LRRTM3: variants seen among roughly 807,000 people sequenced by gnomAD.
LRRTM3 encodes leucine rich repeat transmembrane neuronal 3, also known as leucine-rich repeat transmembrane neuronal protein 3.
A neutral mutation model predicts 44.7 loss-of-function variants in LRRTM3; 24 were observed. That is an observed-to-expected ratio of 0.54 (90% CI 0.39 to 0.76). The LOEUF (loss-of-function observed/expected upper bound fraction) is 0.76. LRRTM3 is among the 30% of genes least tolerant of loss of function. The pLI is 0.00. For synonymous variants in LRRTM3, 277 were observed against 278.7 expected (o/e 0.99, Z 0.06); for missense variants, 587 against 702.2 (o/e 0.84, Z 1.85).
chr10:66,941,060 G>A (rs991819203), intron 2 of LRRTM3, among the ~76,000 whole-genome samples: 4 of 152,130 alleles, frequency 2.6e-5, no homozygotes, highest in Admixed American at 6.5e-5. Flanking sequence ...AGACGATGGG[G>A]GAAAGGCAGT....
chr10:66,951,786 G>A (rs953223297), intron 2 of LRRTM3, among the ~76,000 whole-genome samples: 5 of 152,108 alleles, frequency 3.3e-5, no homozygotes, highest in South Asian at 4.2e-4. Context: ...CACTGGGAAG[G>A]GATCTAGAGG....
At chr10:67,010,346 T>TTGTTTTAAAATA (rs1453072731) in intron 2 of LRRTM3, among the ~76,000 whole-genome samples, 2 of 152,310 alleles carry the variant, frequency 1.3e-5, no homozygotes, top group South Asian at 4.1e-4. Flanking sequence ...TGTTTTAAAA[T>TTGTTTTAAAATA]TGTTTTAAAA....
intron 2 of LRRTM3, among the ~76,000 whole-genome samples, chr10:67,054,393 T>C (rs1420580101): frequency 2.6e-5 from 4 of 152,162 alleles, no homozygotes; most frequent in Non-Finnish European, 4.4e-5. Flanking sequence ...AAGTGACCAA[T>C]GAGGACAGCA....
intron 2 of LRRTM3, among the ~76,000 whole-genome samples, chr10:67,008,940 A>G (rs1480126366): frequency 2.6e-5 from 4 of 152,108 alleles, no homozygotes; most frequent in African/African-American, 9.7e-5. Context: ...TTGAATTTAT[A>G]TTTAAAAGAT....
intron 2 of LRRTM3, among the ~76,000 whole-genome samples, chr10:67,029,718 C>A (rs1294444350): frequency 2.0e-5 from 3 of 152,170 alleles, no homozygotes; most frequent in African/African-American, 7.2e-5. Flanking sequence ...GATATTTTTA[C>A]AAATTAACTT....
intron 2 of LRRTM3, among the ~76,000 whole-genome samples, chr10:67,026,722 G>A (rs1351822035): frequency 1.3e-5 from 2 of 152,202 alleles, no homozygotes; most frequent in South Asian, 2.1e-4. Flanking sequence ...GTATATTAAC[G>A]TTCATTTAAA....
At chr10:67,083,776 T>G (rs1174071216) in intron 2 of LRRTM3, among the ~76,000 whole-genome samples, 2 of 152,166 alleles carry the variant, frequency 1.3e-5, no homozygotes, top group Non-Finnish European at 2.9e-5. Context: ...AATACATTAG[T>G]TCTCCCCATA....
chr10:66,983,506 T>TG (rs2132892916), intron 2 of LRRTM3, among the ~76,000 whole-genome samples: 1 of 150,288 alleles, frequency 6.7e-6, no homozygotes, highest in South Asian at 2.1e-4. Context: ...TTTGTGATTG[T>TG]GGTTCTTAAT....
chr10:66,944,587 T>C (rs1161620853), intron 2 of LRRTM3, among the ~76,000 whole-genome samples: 1 of 152,190 alleles, frequency 6.6e-6, no homozygotes. Context: ...AGGTTTTCAA[T>C]TTACTTTGCC....
chr10:66,960,281 C>A (rs532949366), intron 2 of LRRTM3, among the ~76,000 whole-genome samples: 2 of 152,222 alleles, frequency 1.3e-5, no homozygotes, highest in South Asian at 4.1e-4. Context: ...TCACAAATCT[C>A]CTACAAAAAT....
At chr10:66,980,187 T>C (rs1450994785) in intron 2 of LRRTM3, among the ~76,000 whole-genome samples, 1 of 152,200 alleles carries the variant, frequency 6.6e-6, no homozygotes, top group Non-Finnish European at 1.5e-5. Flanking sequence ...GTGCTTTAAC[T>C]GACCTACGGC....
chr10:67,008,032 A>G (rs938184852), intron 2 of LRRTM3, among the ~76,000 whole-genome samples: 1 of 152,050 alleles, frequency 6.6e-6, no homozygotes, highest in African/African-American at 2.4e-5. Flanking sequence ...TAAGAACTTT[A>G]AATGAAATTA....
intron 2 of LRRTM3, among the ~76,000 whole-genome samples, chr10:67,017,335 C>A (rs542975979): frequency 1.3e-5 from 2 of 152,290 alleles, no homozygotes; most frequent in African/African-American, 4.8e-5. Context: ...CAAGAACACA[C>A]TGACATAGAG....
chr10:67,076,975 G>A (rs1018912551), intron 2 of LRRTM3, among the ~76,000 whole-genome samples: 5 of 152,062 alleles, frequency 3.3e-5, no homozygotes, highest in African/African-American at 9.7e-5. Flanking sequence ...CACACTCACC[G>A]CCAAAGCAAC....
At chr10:66,970,068 T>G (rs944771265) in intron 2 of LRRTM3, among the ~76,000 whole-genome samples, 4 of 152,078 alleles carry the variant, frequency 2.6e-5, no homozygotes, top group Non-Finnish European at 5.9e-5. Context: ...GGCACCTATC[T>G]CAACAACTGC....
At chr10:66,986,975 C>G (rs1476527514) in intron 2 of LRRTM3, among the ~76,000 whole-genome samples, 3 of 152,070 alleles carry the variant, frequency 2.0e-5, no homozygotes, top group African/African-American at 7.2e-5. Flanking sequence ...ATGGGCCTCA[C>G]TAATAAGCTG....
At chr10:66,967,086 T>C (rs10997458) in intron 2 of LRRTM3, among the ~76,000 whole-genome samples, 35,227 of 151,962 alleles carry the variant, frequency 0.23, 4,660 homozygotes, top group Non-Finnish European at 0.31. Flanking sequence ...AGGTGATTAT[T>C]AACACTCCAT....
At chr10:66,990,600 G>A (rs946891086) in intron 2 of LRRTM3, among the ~76,000 whole-genome samples, 4 of 152,110 alleles carry the variant, frequency 2.6e-5, no homozygotes, top group Admixed American at 2.6e-4. Context: ...GAAATAAAGA[G>A]GTCAAATGTT....
chr10:67,059,029 TAAG>T (rs1431771680), intron 2 of LRRTM3, among the ~76,000 whole-genome samples: 10 of 152,348 alleles, frequency 6.6e-5, no homozygotes, highest in African/African-American at 1.9e-4. Context: ...TGCAGCCTTC[TAAG>T]AAGGACATTT....
Sources: gnomAD v4.1 joint callset for allele counts (sites outside exome capture counted in the v4.1 genomes callset) on GRCh38, gnomAD v4.1.1 for gene constraint, MANE v1.5 for transcripts, NCBI Gene and HGNC (gene_info 2026-07-23, HGNC 2026-07-21) for gene names.